The following SNX29 variants were observed in gnomAD, a reference collection of about 807,000 sequenced individuals.
SNX29 encodes the protein sorting nexin 29, also known as sorting nexin-29.
SNX29 carries 78 observed loss-of-function variants against 102.1 expected under a neutral mutation model. The ratio of observed to expected loss-of-function variants is 0.76; its 90% CI spans 0.64 to 0.92. SNX29 has a LOEUF of 0.92. Among genes scored for constraint, SNX29 ranks in the 40% least tolerant of loss-of-function variants. SNX29 has a pLI of 0.00. For missense variants in SNX29, 1,280 were observed against 1,061.7 expected, an observed-to-expected ratio of 1.21 and a Z score of -2.86; for synonymous variants, 580 against 414.5, an observed-to-expected ratio of 1.40 and a Z score of -4.85.
At chr16:12,282,798 G>T (rs1426008727) in intron 15 of SNX29, among the ~76,000 whole-genome samples, 5 of 152,158 alleles carry the variant, frequency 3.3e-5, no homozygotes, top group African/African-American at 9.7e-5. Context: ...TGGAATTACA[G>T]GTGCCCACCA....
At chr16:12,059,596 G>A (rs1429465974) in intron 8 of SNX29, among the ~76,000 whole-genome samples, 2 of 152,176 alleles carry the variant, frequency 1.3e-5, no homozygotes, top group Non-Finnish European at 2.9e-5. Context: ...GCTGAAAGGA[G>A]ACTTCTACCT....
intron 18 of SNX29, among the ~76,000 whole-genome samples, chr16:12,439,881 A>T (rs560307735): frequency 6.6e-6 from 1 of 152,326 alleles, no homozygotes; most frequent in East Asian, 1.9e-4. Context: ...GGTGCTCCCC[A>T]GATGCCAAGT....
At chr16:12,461,811 C>T (rs1216488983) in intron 18 of SNX29, among the ~76,000 whole-genome samples, 1 of 150,440 alleles carries the variant, frequency 6.6e-6, no homozygotes, top group African/African-American at 2.4e-5. Context: ...ACAAAATTAG[C>T]CGGGCATGGT....
At chr16:12,407,841 A>T (rs1202967032) in intron 18 of SNX29, among the ~76,000 whole-genome samples, 1 of 152,228 alleles carries the variant, frequency 6.6e-6, no homozygotes, top group African/African-American at 2.4e-5. Flanking sequence ...GCAGCTGTGC[A>T]TGATGGCATG....
At chr16:12,515,889 C>T (rs2089842574) in intron 19 of SNX29, among the ~76,000 whole-genome samples, 1 of 152,078 alleles carries the variant, frequency 6.6e-6, no homozygotes, top group Non-Finnish European at 1.5e-5. Context: ...CTCGATGGTG[C>T]ACCACGAGTT....
intron 19 of SNX29, among the ~76,000 whole-genome samples, chr16:12,494,690 G>A (rs1213242621): frequency 6.6e-6 from 1 of 152,176 alleles, no homozygotes; most frequent in Non-Finnish European, 1.5e-5. Flanking sequence ...TCTGCCTTCT[G>A]AGGGAAAGTG....
intron 8 of SNX29, among the ~76,000 whole-genome samples, chr16:12,061,270 A>G (rs1330657640): frequency 6.6e-6 from 1 of 152,214 alleles, no homozygotes; most frequent in Admixed American, 6.5e-5. Context: ...GATCAACAGT[A>G]TTCACTGGCT....
At chr16:12,540,461 C>G (rs1292734620) in intron 20 of SNX29, among the ~76,000 whole-genome samples, 1 of 152,240 alleles carries the variant, frequency 6.6e-6, no homozygotes, top group Non-Finnish European at 1.5e-5. Context: ...CGAGATCCGT[C>G]TTACTAGGCT....
intron 16 of SNX29, among the ~76,000 whole-genome samples, chr16:12,366,464 G>A (rs2082485068): frequency 6.6e-6 from 1 of 152,210 alleles, no homozygotes; most frequent in South Asian, 2.1e-4. Flanking sequence ...ATCAGAGCCT[G>A]CCTTATCTCA....
intron 14 of SNX29, among the ~76,000 whole-genome samples, chr16:12,250,707 G>A (rs2078396140): frequency 6.6e-6 from 1 of 152,210 alleles, no homozygotes; most frequent in Admixed American, 6.5e-5. Context: ...GAAGCACTGG[G>A]TTGTAACTGC....
At chr16:12,391,259 T>C (rs1045387883) in intron 16 of SNX29, among the ~76,000 whole-genome samples, 2 of 152,164 alleles carry the variant, frequency 1.3e-5, no homozygotes, top group Admixed American at 1.3e-4. Context: ...CAAATTATCA[T>C]TGTTAAAGAG....
At chr16:12,329,410 C>G (rs553419460) in intron 15 of SNX29, among the ~76,000 whole-genome samples, 108 of 152,212 alleles carry the variant, frequency 7.1e-4, no homozygotes, top group Non-Finnish European at 1.4e-3. Context: ...GTTGAACTCT[C>G]CACAGGCAGG....
intron 20 of SNX29, among the ~76,000 whole-genome samples, chr16:12,541,519 C>T (rs144979989): frequency 6.6e-6 from 1 of 152,130 alleles, no homozygotes; most frequent in African/African-American, 2.4e-5. Flanking sequence ...AAGTCATAAC[C>T]ATTTCAGCAT....
intron 18 of SNX29, among the ~76,000 whole-genome samples, chr16:12,425,684 C>T (rs796422362): frequency 3.3e-5 from 5 of 152,228 alleles, no homozygotes; most frequent in African/African-American, 1.2e-4. Context: ...TGGGCCAGTT[C>T]TACTCAAATA....
chr16:12,171,861 C>A (rs928811165), intron 13 of SNX29, among the ~76,000 whole-genome samples: 1 of 152,158 alleles, frequency 6.6e-6, no homozygotes, highest in Non-Finnish European at 1.5e-5. Flanking sequence ...TAGTTTTGAT[C>A]ATCAGTTCTG....
chr16:12,429,052 A>C (rs1480696540), intron 18 of SNX29, among the ~76,000 whole-genome samples: 1 of 152,060 alleles, frequency 6.6e-6, no homozygotes, highest in Non-Finnish European at 1.5e-5. Context: ...ATCCCAACAC[A>C]CAGATACGAT....
chr16:12,541,734 T>TC (rs987787599), intron 20 of SNX29, among the ~76,000 whole-genome samples: 1 of 152,116 alleles, frequency 6.6e-6, no homozygotes, highest in Non-Finnish European at 1.5e-5. Context: ...TCCTGTCTTT[T>TC]CCGTACTGTG....
intron 20 of SNX29, among the ~76,000 whole-genome samples, chr16:12,551,432 G>C (rs74581576): frequency 1.3e-5 from 2 of 152,128 alleles, no homozygotes; most frequent in Admixed American, 6.5e-5. Context: ...TTGCACATTC[G>C]ATCACCCAGC....
At chr16:12,498,293 G>A (rs1159983858) in intron 19 of SNX29, among the ~76,000 whole-genome samples, 1 of 152,178 alleles carries the variant, frequency 6.6e-6, no homozygotes, top group Non-Finnish European at 1.5e-5. Context: ...AGCAGGTGAG[G>A]CAAAACAGCA....
Sources: gnomAD v4.1 joint callset for allele counts (sites outside exome capture counted in the v4.1 genomes callset) on GRCh38, gnomAD v4.1.1 for gene constraint, MANE v1.5 for transcripts, NCBI Gene and HGNC (gene_info 2026-07-23, HGNC 2026-07-21) for gene names.